The following SH3BGRL2 variants were observed in gnomAD, a reference collection of about 807,000 sequenced individuals.
The protein encoded by SH3BGRL2 is SH3 domain binding glutamate rich protein like 2, also known as SH3 domain-binding glutamic acid-rich-like protein 2.
Under a neutral mutation model 14.8 loss-of-function variants are expected in SH3BGRL2, and 21 were observed. The ratio of observed to expected loss-of-function variants is 1.42; its 90% CI spans 1.01 to 2.05. The LOEUF is 2.05. SH3BGRL2 is among the 30% of genes most tolerant of loss of function. The pLI, the probability that SH3BGRL2 is intolerant of heterozygous loss-of-function variation, is 0.00. For missense variants in SH3BGRL2, 147 were observed against 130.8 expected (o/e 1.12, Z -0.61); for synonymous variants, 50 against 47.8 (o/e 1.05, Z -0.19).
the SH3BGRL2 span, among the ~76,000 whole-genome samples, chr6:79,595,348 A>G: frequency 6.6e-6 from 1 of 152,204 alleles, no homozygotes; most frequent in South Asian, 2.1e-4. Flanking sequence ...GGGAAAGAAC[A>G]AACTACAAAT....
At chr6:79,678,417 C>A (rs917241032) in intron 2 of SH3BGRL2, among the ~76,000 whole-genome samples, 2 of 152,146 alleles carry the variant, frequency 1.3e-5, no homozygotes, top group Non-Finnish European at 2.9e-5. Context: ...GCTTCTTTCA[C>A]TTAGCATATC....
intron 1 of SH3BGRL2, among the ~76,000 whole-genome samples, chr6:79,655,960 T>G (rs718944): frequency 0.45 from 69,082 of 152,072 alleles, 16,596 homozygotes; most frequent in Non-Finnish European, 0.53. Context: ...GAGGGGAAGG[T>G]AGTTGGAGAG....
chr6:79,634,258 T>C (rs1407920093), intron 1 of SH3BGRL2, among the ~76,000 whole-genome samples: 2 of 152,238 alleles, frequency 1.3e-5, no homozygotes, highest in African/African-American at 2.4e-5. Context: ...ATGATTCCTC[T>C]TTTGTCTTCC....
the SH3BGRL2 span, among the ~76,000 whole-genome samples, chr6:79,588,281 A>G: frequency 1.4e-4 from 15 of 103,822 alleles, no homozygotes; most frequent in African/African-American, 4.6e-4. Context: ...ACAGAACAAG[A>G]CTCTGTCTAA....
the SH3BGRL2 span, among the ~76,000 whole-genome samples, chr6:79,549,371 A>G: frequency 3.9e-5 from 6 of 152,240 alleles, no homozygotes; most frequent in Non-Finnish European, 8.8e-5. Flanking sequence ...AGATGAGGCT[A>G]TCATCAATGT....
At chr6:79,611,623 G>T in the SH3BGRL2 span, among the ~76,000 whole-genome samples, 1 of 152,066 alleles carries the variant, frequency 6.6e-6, no homozygotes, top group African/African-American at 2.4e-5. Context: ...TGTTGGCCAG[G>T]CTGGTCTTGC....
intron 1 of SH3BGRL2, among the ~76,000 whole-genome samples, chr6:79,640,957 G>T (rs776708036): frequency 2.6e-5 from 4 of 152,132 alleles, no homozygotes; most frequent in Non-Finnish European, 4.4e-5. Flanking sequence ...TATAGTTAAA[G>T]TCAGCAGCTA....
the SH3BGRL2 span, among the ~76,000 whole-genome samples, chr6:79,559,498 T>C: frequency 0.026 from 3,883 of 152,150 alleles, 62 homozygotes; most frequent in Middle Eastern, 0.075. Flanking sequence ...GATGTCAATA[T>C]TATAAAAGAC....
At chr6:79,682,571 A>G (rs2874759) in intron 2 of SH3BGRL2, among the ~76,000 whole-genome samples, 44,234 of 149,568 alleles carry the variant, frequency 0.3, 7,876 homozygotes, top group South Asian at 0.47. Context: ...TCATGACAAG[A>G]TGATTATTAT....
the SH3BGRL2 span, among the ~76,000 whole-genome samples, chr6:79,570,896 A>C: frequency 4.6e-5 from 7 of 152,250 alleles, no homozygotes; most frequent in African/African-American, 1.7e-4. Context: ...AAAGGAGATT[A>C]GCTTTAACGA....
At chr6:79,687,252 C>T (rs942244196) in intron 2 of SH3BGRL2, among the ~76,000 whole-genome samples, 2 of 152,098 alleles carry the variant, frequency 1.3e-5, no homozygotes, top group Non-Finnish European at 2.9e-5. Flanking sequence ...GCTGTGGTTT[C>T]CCCTGCTGTG....
At chr6:79,557,310 TTGTC>T in the SH3BGRL2 span, among the ~76,000 whole-genome samples, 3 of 151,784 alleles carry the variant, frequency 2.0e-5, no homozygotes, top group Non-Finnish European at 2.9e-5. Context: ...AGAATTATAA[TTGTC>T]GGTCACATTT....
chr6:79,620,386 G>A, the SH3BGRL2 span, among the ~76,000 whole-genome samples: 1 of 151,858 alleles, frequency 6.6e-6, no homozygotes, highest in South Asian at 2.1e-4. Context: ...GCAATGAGGT[G>A]CGTTTATCAG....
At chr6:79,588,175 C>CCCAG in the SH3BGRL2 span, among the ~76,000 whole-genome samples, 1 of 151,914 alleles carries the variant, frequency 6.6e-6, no homozygotes, top group Non-Finnish European at 1.5e-5. Context: ...TGTCTGTAGT[C>CCCAG]CCAGCTACTC....
intron 2 of SH3BGRL2, among the ~76,000 whole-genome samples, chr6:79,691,649 T>A (rs1464517326): frequency 6.6e-6 from 1 of 151,260 alleles, no homozygotes; most frequent in African/African-American, 2.4e-5. Context: ...AATGATGGTT[T>A]CCAGTTTCAT....
chr6:79,659,053 G>C (rs1769485026), intron 1 of SH3BGRL2, among the ~76,000 whole-genome samples: 1 of 152,104 alleles, frequency 6.6e-6, no homozygotes, highest in African/African-American at 2.4e-5. Flanking sequence ...TTGTCAGATG[G>C]GTAGATTGCA....
chr6:79,692,262 T>C (rs1770235283), intron 2 of SH3BGRL2, among the ~76,000 whole-genome samples: 1 of 152,226 alleles, frequency 6.6e-6, no homozygotes, highest in Admixed American at 6.5e-5. Context: ...ATTAGCCCTT[T>C]GTCAGATGAG....
chr6:79,636,361 T>G (rs1428704103), intron 1 of SH3BGRL2, among the ~76,000 whole-genome samples: 1 of 152,092 alleles, frequency 6.6e-6, no homozygotes, highest in Non-Finnish European at 1.5e-5. Context: ...AGAACTGCCC[T>G]ATCCAAAATG....
At chr6:79,607,284 G>A in the SH3BGRL2 span, among the ~76,000 whole-genome samples, 2 of 152,114 alleles carry the variant, frequency 1.3e-5, no homozygotes, top group East Asian at 3.9e-4. Flanking sequence ...AAAACTAGAA[G>A]TCTAGTGGCC....
Sources: gnomAD v4.1 joint callset for allele counts (sites outside exome capture counted in the v4.1 genomes callset) on GRCh38, gnomAD v4.1.1 for gene constraint, MANE v1.5 for transcripts, NCBI Gene and HGNC (gene_info 2026-07-23, HGNC 2026-07-21) for gene names.